Variants in LMX1A observed in about 807,000 individuals in gnomAD.
LMX1A encodes the protein LIM homeobox transcription factor 1 alpha, also known as LIM homeobox transcription factor 1-alpha.
Under a neutral mutation model 49.1 loss-of-function variants are expected in LMX1A, and 15 were observed. The ratio of observed to expected loss-of-function variants is 0.31; its 90% CI spans 0.20 to 0.47. The LOEUF is 0.47. LMX1A is among the 20% of genes least tolerant of loss of function. The pLI is 1.00. For synonymous variants in LMX1A, 167 were observed against 185.7 expected, an observed-to-expected ratio of 0.90 and a Z score of 0.82; for missense variants, 372 against 475.8, an observed-to-expected ratio of 0.78 and a Z score of 2.03.
intron 3 of LMX1A, among the ~76,000 whole-genome samples, chr1:165,333,205 T>C (rs1235700082): frequency 6.6e-6 from 1 of 152,240 alleles, no homozygotes; most frequent in African/African-American, 2.4e-5. Flanking sequence ...TCACTCTTGT[T>C]GCCCAGCAAC....
At chr1:165,207,549 ACTT>A (rs976655228) in intron 7 of LMX1A, 7 of 152,488 alleles carry the variant, frequency 4.6e-5, no homozygotes, top group African/African-American at 1.7e-4. Flanking sequence ...GATAATAACA[ACTT>A]CTCCACTCGC....
chr1:165,335,975 G>A (rs995775072), intron 3 of LMX1A, among the ~76,000 whole-genome samples: 3 of 151,928 alleles, frequency 2.0e-5, no homozygotes, highest in African/African-American at 7.3e-5. Context: ...GCCCACGTGA[G>A]CCTACTCTGC....
chr1:165,224,871 C>T (rs145930404), intron 4 of LMX1A, among the ~76,000 whole-genome samples: 88 of 152,270 alleles, frequency 5.8e-4, no homozygotes, highest in African/African-American at 2.0e-3. Context: ...ATTTATTTCC[C>T]TTGAACTACA....
At chr1:165,234,208 G>A (rs1652340443) in intron 4 of LMX1A, among the ~76,000 whole-genome samples, 1 of 152,098 alleles carries the variant, frequency 6.6e-6, no homozygotes, top group African/African-American at 2.4e-5. Flanking sequence ...TTCCTCTCAT[G>A]CCTGGATACA....
chr1:165,204,209 G>C (rs1463497953), intron 8 of LMX1A, among the ~76,000 whole-genome samples, 169 bp from the exon 9 acceptor site: 1 of 152,208 alleles, frequency 6.6e-6, no homozygotes, highest in African/African-American at 2.4e-5. Context: ...AGTGCAACAA[G>C]TGAAAACAAT....
Position 165,222,790 on chromosome 1 carries a change from C to T in LMX1A, c.497-8977G>A, listed in dbSNP as rs552185994. On this transcript the variant is annotated intron_variant, in intron 4 of 8. Transcript: ENST00000342310. ...CTTCTGCTGGTTTGGAGAGGAAAGCCGAGGCCCATACCCAGCCGGGTCTAT... is the reference window on the plus strand; with the variant it reads ...CTTCTGCTGGTTTGGAGAGGAAAGCTGAGGCCCATACCCAGCCGGGTCTAT... Among the ~76,000 whole-genome samples the T allele has an allele frequency of 4.2e-4, 64 of 152,278 alleles. No homozygotes were observed. The South Asian group carries it at 0.012, about 29-fold the overall frequency.
intron 3 of LMX1A, among the ~76,000 whole-genome samples, chr1:165,287,998 GA>G (rs1654344678): frequency 6.6e-6 from 1 of 152,178 alleles, no homozygotes; most frequent in African/African-American, 2.4e-5. Context: ...CTTCCTGTGT[GA>G]AAACCGAATA....
At chr1:165,215,634 A>G (rs1651614812) in intron 4 of LMX1A, among the ~76,000 whole-genome samples, 1 of 152,230 alleles carries the variant, frequency 6.6e-6, no homozygotes, top group South Asian at 2.1e-4. Flanking sequence ...GCCAGAGCCA[A>G]AAAAACTTAT....
chr1:165,294,196 G>T (rs1370162604), intron 3 of LMX1A, among the ~76,000 whole-genome samples: 2 of 152,234 alleles, frequency 1.3e-5, no homozygotes, highest in Admixed American at 1.3e-4. Context: ...TGCACGGGAA[G>T]TGACCATGCT....
chr1:165,253,068 A>G (rs1224820106), intron 3 of LMX1A, among the ~76,000 whole-genome samples: 1 of 152,230 alleles, frequency 6.6e-6, no homozygotes, highest in Non-Finnish European at 1.5e-5. Context: ...ATGTACATAA[A>G]CAAGTATATA....
chr1:165,318,999 TCACACACACACACACACA>T lies in LMX1A; in HGVS notation c.263+34059_263+34076del, dbSNP rs35582531. 4.7e-3 allele frequency among the ~76,000 whole-genome samples: 549 copies of T among 117,826 alleles called. 2 individuals are homozygous for T. Among genetic ancestry groups the T allele is most frequent in the Non-Finnish European group, 7.3e-3 (408 of 55,562 alleles). 77.3% of individuals were successfully genotyped at this position (117,826 alleles called of 152,430 possible). On this transcript the variant is annotated intron_variant, in intron 3 of 8. Coordinates refer to ENST00000342310, the MANE Select transcript of LMX1A (RefSeq NM_177398.4). The stretch of plus-strand genomic sequence containing the variant: ...CTGAGATCTCCTCTCTCTCTCTCTC[TCACACACACACACACACA>T]CACACACACACACACACACACACAC...
intron 3 of LMX1A, among the ~76,000 whole-genome samples, chr1:165,322,464 T>C (rs554844831): frequency 8.5e-5 from 13 of 152,324 alleles, no homozygotes; most frequent in African/African-American, 3.1e-4. Flanking sequence ...AAATGTGGTG[T>C]GTATATATAC....
intron 3 of LMX1A, among the ~76,000 whole-genome samples, chr1:165,321,531 A>G (rs1282420302): frequency 6.6e-6 from 1 of 152,212 alleles, no homozygotes; most frequent in African/African-American, 2.4e-5. Context: ...TAACGCCAGA[A>G]TAATCTTCCT....
chr1:165,308,405 C>G (rs575380446), intron 3 of LMX1A, among the ~76,000 whole-genome samples: 1 of 152,288 alleles, frequency 6.6e-6, no homozygotes, highest in African/African-American at 2.4e-5. Context: ...TTCAATAAGG[C>G]TCTATATACA....
At chr1:165,304,581 T>C (rs1471196011) in intron 3 of LMX1A, among the ~76,000 whole-genome samples, 1 of 152,190 alleles carries the variant, frequency 6.6e-6, no homozygotes, top group African/African-American at 2.4e-5. Context: ...CTGCACATGG[T>C]TAATGTTCTT....
chr1:165,207,754 G>T, intron 7 of LMX1A: 1 of 345,196 alleles, frequency 2.9e-6, no homozygotes. Flanking sequence ...TAAGCAAGAT[G>T]AGAAACTGAA....
rs987178223 is a variant in LMX1A at position 165,355,778 on chromosome 1, C to T, written c.-22-197G>A. Reference sequence around the variant, plus strand: ...CGAACTGCTCTGGCTGATCTGATTTCACTTGAAGTCAACACGTTATGTACT... The same window carrying T: ...CGAACTGCTCTGGCTGATCTGATTTTACTTGAAGTCAACACGTTATGTACT... On this transcript the variant is annotated intron_variant, in intron 1 of 8. Coordinates refer to ENST00000342310, the MANE Select transcript of LMX1A (RefSeq NM_177398.4). The surrounding 1 kb of genome is among the most constrained non-coding windows in gnomAD (Gnocchi z 4.7). 1.7e-6 allele frequency: 1 copy of T among 584,658 alleles called. No individual in the cohort carries two copies. Among genetic ancestry groups the T allele is most frequent in the African/African-American group, 1.9e-5 (1 of 53,502 alleles). The allele number at this position is 584,658 out of a possible 1,614,324, so 36.2% of individuals were successfully genotyped here.
chr1:165,353,297 C>A (rs1353325287), intron 2 of LMX1A, 35 bp from the exon 3 acceptor site: 4 of 1,586,896 alleles, frequency 2.5e-6, no homozygotes, highest in African/African-American at 1.3e-5. Context: ...GGTGAGCAGC[C>A]CGGGCAGGTA....
In LMX1A at chr1:165,355,346, T is replaced by C. The variant is rs1656571619; in HGVS notation, c.76+138A>G. 2.6e-6 allele frequency: 2 copies of C among 769,436 alleles called. No individual in the cohort carries two copies. The highest frequency in any genetic ancestry group is 4.3e-6 in the Non-Finnish European group (2 of 465,524). 47.7% of individuals were successfully genotyped at this position (769,436 alleles called of 1,614,324 possible). ...CGACCCACAAGCACTGACGGACAGATAGTGATGGGGCTCAATTTAGTGTAT... is the reference window on the plus strand; with the variant it reads ...CGACCCACAAGCACTGACGGACAGACAGTGATGGGGCTCAATTTAGTGTAT... On this transcript the variant is annotated intron_variant, in intron 2 of 8. Coordinates refer to ENST00000342310, the MANE Select transcript of LMX1A (RefSeq NM_177398.4). This position sits in a 1 kb window ranked among gnomAD's most constrained non-coding sequence, Gnocchi z 4.7.
Sources: allele counts gnomAD v4.1 joint callset (sites outside exome capture counted in the v4.1 genomes callset), GRCh38; gene constraint gnomAD v4.1.1; non-coding constraint Gnocchi (gnomAD v3.1); transcripts MANE v1.5; gene names NCBI Gene and HGNC (gene_info 2026-07-23, HGNC 2026-07-21).